Variants in RPH3A observed in about 807,000 individuals in gnomAD.
RPH3A encodes the protein rabphilin-3A.
RPH3A carries 48 observed loss-of-function variants against 102.2 expected under a neutral mutation model. The ratio of observed to expected loss-of-function variants is 0.47; its 90% CI spans 0.37 to 0.60. RPH3A has a LOEUF of 0.60. Ranked by LOEUF, RPH3A falls within the 20% of genes least tolerant of loss-of-function variation. RPH3A has a pLI of 0.00. For missense variants in RPH3A, 781 were observed against 910.1 expected, an observed-to-expected ratio of 0.86 and a Z score of 1.83; for synonymous variants, 310 against 324.3, an observed-to-expected ratio of 0.96 and a Z score of 0.47.
chr12:112,704,876 A>G (rs1024086947), intron 1 of RPH3A, among the ~76,000 whole-genome samples: 3 of 152,198 alleles, frequency 2.0e-5, no homozygotes, highest in African/African-American at 7.2e-5. Context: ...TTGTTACACA[A>G]ATTTTGCAAT....
At chr12:112,808,099 A>T (rs2041503503) in intron 2 of RPH3A, among the ~76,000 whole-genome samples, 1 of 152,142 alleles carries the variant, frequency 6.6e-6, no homozygotes, top group African/African-American at 2.4e-5. Context: ...CTTATTCAAA[A>T]CCTTACCCTC....
intron 8 of RPH3A, 88 bp from the exon 9 acceptor site, chr12:112,869,671 A>G (rs1890465014): frequency 1.6e-6 from 2 of 1,244,004 alleles, no homozygotes; most frequent in African/African-American, 3.0e-5. Context: ...GGCAATAGTC[A>G]ATGAACCCCT....
chr12:112,888,264 T>G (rs1466943766), intron 17 of RPH3A, among the ~76,000 whole-genome samples: 1 of 152,274 alleles, frequency 6.6e-6, no homozygotes, highest in Non-Finnish European at 1.5e-5. Context: ...ACTCCGAGCC[T>G]CGGTGTTCTT....
rs563298372 is a variant in RPH3A, at chr12:112,597,364, C to T, written c.-140+22045C>T. Among the ~76,000 whole-genome samples the T allele has an allele frequency of 2.0e-5, 3 of 152,274 alleles. No homozygotes were observed. In the South Asian group the frequency reaches 6.2e-4, roughly 32 times the overall value. On this transcript the variant is annotated intron_variant, in intron 1 of 21. Coordinates refer to the RPH3A transcript ENST00000543106. ...TTGGGGGGCTGAGGCAGGCAGCTCA[C>T]TTGAGCCCAGGAGTTTAAGACCAGC...
chr12:112,634,240 T>C (rs61942289), intron 1 of RPH3A, among the ~76,000 whole-genome samples: 10,967 of 25,252 alleles, frequency 0.43, 2,943 homozygotes, highest in Middle Eastern at 0.62. Flanking sequence ...CCCAGCTACT[T>C]GGGAGGCTGA....
intron 1 of RPH3A, among the ~76,000 whole-genome samples, chr12:112,709,385 A>G (rs1479130718): frequency 6.6e-6 from 1 of 152,060 alleles, no homozygotes; most frequent in African/African-American, 2.4e-5. Flanking sequence ...CCCTGTCTCT[A>G]TAAAAAAATA....
intron 1 of RPH3A, among the ~76,000 whole-genome samples, chr12:112,575,874 G>A (rs1397347532): frequency 1.3e-5 from 2 of 152,154 alleles, no homozygotes; most frequent in Admixed American, 1.3e-4. Context: ...CCTGGATCAA[G>A]GTTTCCATAG....
intron 1 of RPH3A, among the ~76,000 whole-genome samples, chr12:112,665,021 C>T (rs1362096799): frequency 2.6e-5 from 4 of 152,140 alleles, no homozygotes; most frequent in Non-Finnish European, 4.4e-5. Context: ...GCACATTACA[C>T]ATGGTCCATT....
At chr12:112,810,570 T>A (rs1376607369) in intron 2 of RPH3A, among the ~76,000 whole-genome samples, 1 of 152,196 alleles carries the variant, frequency 6.6e-6, no homozygotes, top group Admixed American at 6.5e-5. Flanking sequence ...CCACTTTACC[T>A]CCTTCTGCCT....
chr12:112,738,333 C>T (rs1232621178), intron 1 of RPH3A, among the ~76,000 whole-genome samples: 2 of 152,120 alleles, frequency 1.3e-5, no homozygotes, highest in Non-Finnish European at 2.9e-5. Flanking sequence ...GCTGGGACTA[C>T]AGGCGTGCAT....
chr12:112,630,305 TC>T (rs1160342969), intron 1 of RPH3A, among the ~76,000 whole-genome samples: 1 of 152,202 alleles, frequency 6.6e-6, no homozygotes, highest in Non-Finnish European at 1.5e-5. Flanking sequence ...TTTAGGGTTC[TC>T]TGAGATAGGA....
intron 1 of RPH3A, among the ~76,000 whole-genome samples, chr12:112,747,066 A>G (rs2040752940): frequency 6.6e-6 from 1 of 152,098 alleles, no homozygotes; most frequent in African/African-American, 2.4e-5. Flanking sequence ...TGAGAATCCT[A>G]AACTCCACAA....
chr12:112,683,998 A>G (rs2040244952), intron 1 of RPH3A, among the ~76,000 whole-genome samples: 1 of 152,224 alleles, frequency 6.6e-6, no homozygotes, highest in Non-Finnish European at 1.5e-5. Context: ...TTTTCTGATG[A>G]TAAAATACAT....
At chr12:112,848,989 G>A (rs965324536) in intron 5 of RPH3A, among the ~76,000 whole-genome samples, 3 of 152,128 alleles carry the variant, frequency 2.0e-5, no homozygotes, top group African/African-American at 7.2e-5. Flanking sequence ...GCAGGTTGCT[G>A]GGATACCACC....
intron 1 of RPH3A, among the ~76,000 whole-genome samples, chr12:112,734,943 C>G (rs534437950): frequency 1.3e-5 from 2 of 152,310 alleles, no homozygotes; most frequent in East Asian, 3.9e-4. Flanking sequence ...GACTTCGTGA[C>G]CTGTATCTTG....
chr12:112,585,559 A>AC (rs2039433010), intron 1 of RPH3A, among the ~76,000 whole-genome samples: 1 of 152,026 alleles, frequency 6.6e-6, no homozygotes, highest in African/African-American at 2.4e-5. Flanking sequence ...ACATGGTGAA[A>AC]CCCCGTCTCT....
chr12:112,859,383 G>A (rs1460579296), intron 5 of RPH3A, among the ~76,000 whole-genome samples: 1 of 152,186 alleles, frequency 6.6e-6, no homozygotes, highest in Non-Finnish European at 1.5e-5. Flanking sequence ...CTTCTCTGAT[G>A]TAAAAATAAT....
At chr12:112,835,200 C>T (rs2042027994) in intron 3 of RPH3A, among the ~76,000 whole-genome samples, 1 of 152,164 alleles carries the variant, frequency 6.6e-6, no homozygotes, top group Non-Finnish European at 1.5e-5. Flanking sequence ...CACTATTGAA[C>T]TCTGTTCGTT....
chr12:112,845,764 G>A (rs930109500), intron 4 of RPH3A, among the ~76,000 whole-genome samples: 4 of 152,176 alleles, frequency 2.6e-5, no homozygotes, highest in Admixed American at 2.0e-4. Flanking sequence ...GATAAGGTCC[G>A]TGCCATCCTG....
Sources: allele counts gnomAD v4.1 joint callset (sites outside exome capture counted in the v4.1 genomes callset), GRCh38; gene constraint gnomAD v4.1.1; transcripts MANE v1.5; gene names NCBI Gene and HGNC (gene_info 2026-07-23, HGNC 2026-07-21).